Variants in ENTREP1 observed in about 807,000 individuals in gnomAD.
ENTREP1 encodes the protein Friedreich ataxia region gene X123.
the ENTREP1 span, chr9:69,325,680 C>A: frequency 8.1e-7 from 1 of 1,231,244 alleles, no homozygotes; most frequent in Non-Finnish European, 1.0e-6. Context: ...CTGAGCAGCT[C>A]CCCGCAGGTG....
the ENTREP1 span, among the ~76,000 whole-genome samples, chr9:69,346,321 T>C: frequency 2.6e-5 from 4 of 152,304 alleles, no homozygotes; most frequent in South Asian, 8.3e-4. Flanking sequence ...TTTAGCATTC[T>C]TGGTGGTTGT....
At chr9:69,328,883 C>G in the ENTREP1 span, among the ~76,000 whole-genome samples, 1 of 152,098 alleles carries the variant, frequency 6.6e-6, no homozygotes, top group Non-Finnish European at 1.5e-5. Context: ...TCCACCACCC[C>G]CACCCCTAGC....
the ENTREP1 span, among the ~76,000 whole-genome samples, chr9:69,368,848 A>G: frequency 1.3e-5 from 2 of 151,736 alleles, no homozygotes; most frequent in Non-Finnish European, 2.9e-5. Flanking sequence ...TTTTTTTTAA[A>G]TTATACTTTA....
At chr9:69,358,071 A>C in the ENTREP1 span, among the ~76,000 whole-genome samples, 1 of 152,136 alleles carries the variant, frequency 6.6e-6, no homozygotes, top group African/African-American at 2.4e-5. Context: ...TGGCAGTTAG[A>C]GTCTCAGCAA....
At chr9:69,377,440 G>A in the ENTREP1 span, 19 of 1,613,794 alleles carry the variant, frequency 1.2e-5, no homozygotes, top group Admixed American at 5.0e-5. Flanking sequence ...GCTGCCCTCC[G>A]CTACCTCCAG....
the ENTREP1 span, chr9:69,388,215 C>G: frequency 6.2e-7 from 1 of 1,614,160 alleles, no homozygotes; most frequent in Non-Finnish European, 8.5e-7. Context: ...CTGGATCTGG[C>G]TGCAGTGACT....
At chr9:69,380,707 A>AGCC in the ENTREP1 span, 2 of 152,340 alleles carry the variant, frequency 1.3e-5, no homozygotes, top group South Asian at 4.1e-4. Flanking sequence ...AGTTGGCTTG[A>AGCC]GCCAGGGATC....
the ENTREP1 span, among the ~76,000 whole-genome samples, chr9:69,332,212 A>C: frequency 1.3e-5 from 2 of 152,200 alleles, no homozygotes; most frequent in African/African-American, 2.4e-5. Context: ...TCAGGGCTTC[A>C]CTGGGCTTGA....
the ENTREP1 span, among the ~76,000 whole-genome samples, chr9:69,384,512 T>G: frequency 6.6e-6 from 1 of 152,246 alleles, no homozygotes; most frequent in African/African-American, 2.4e-5. Context: ...AAAAAAAGTT[T>G]CCTCTATTGC....
chr9:69,383,890 C>A, the ENTREP1 span: 2 of 1,567,116 alleles, frequency 1.3e-6, no homozygotes, highest in South Asian at 1.1e-5. Context: ...TTCACTGGGT[C>A]TAATGAGGGG....
chr9:69,390,701 G>A, the ENTREP1 span, among the ~76,000 whole-genome samples: 4 of 152,282 alleles, frequency 2.6e-5, no homozygotes, highest in African/African-American at 9.6e-5. Context: ...GTGCGGTGGT[G>A]TAGATATAGC....
chr9:69,327,211 T>C, the ENTREP1 span, among the ~76,000 whole-genome samples: 1 of 152,172 alleles, frequency 6.6e-6, no homozygotes, highest in Non-Finnish European at 1.5e-5. Context: ...AAAGCCATGA[T>C]TTGTGCCTCA....
chr9:69,353,716 A>G, the ENTREP1 span, among the ~76,000 whole-genome samples: 13 of 152,232 alleles, frequency 8.5e-5, no homozygotes, highest in African/African-American at 2.2e-4. Flanking sequence ...ATAATGTGCA[A>G]AAAAGTCCAG....
the ENTREP1 span, among the ~76,000 whole-genome samples, chr9:69,337,419 A>G: frequency 1.3e-5 from 2 of 152,168 alleles, no homozygotes; most frequent in African/African-American, 4.8e-5. Context: ...TAGATTTGCT[A>G]TATTATCTCT....
At chr9:69,345,260 GT>G in the ENTREP1 span, among the ~76,000 whole-genome samples, 1 of 152,130 alleles carries the variant, frequency 6.6e-6, no homozygotes, top group Non-Finnish European at 1.5e-5. Context: ...GAGTTTCCTG[GT>G]AAAGCTCTTT....
the ENTREP1 span, among the ~76,000 whole-genome samples, chr9:69,351,668 C>T: frequency 3.9e-5 from 6 of 152,252 alleles, no homozygotes; most frequent in South Asian, 4.1e-4. Flanking sequence ...CCATCCGCCT[C>T]GGCCGCCAAA....
the ENTREP1 span, among the ~76,000 whole-genome samples, chr9:69,351,629 C>T: frequency 1.3e-5 from 2 of 152,128 alleles, no homozygotes; most frequent in African/African-American, 4.8e-5. Context: ...GTTGGCCAGG[C>T]TGGTCTCAAA....
the ENTREP1 span, among the ~76,000 whole-genome samples, chr9:69,334,836 G>A: frequency 6.7e-6 from 1 of 149,632 alleles, no homozygotes; most frequent in African/African-American, 2.5e-5. Context: ...GAGTGCAGTG[G>A]CGCGATCTCA....
the ENTREP1 span, chr9:69,381,907 G>A: frequency 0.014 from 2,112 of 152,256 alleles, 21 homozygotes; most frequent in Middle Eastern, 0.027. Flanking sequence ...GTTGTTCTTC[G>A]GGAAGAAATT....
Sources: gnomAD v4.1 joint callset for allele counts (sites outside exome capture counted in the v4.1 genomes callset) on GRCh38, gnomAD v4.1.1 for gene constraint, MANE v1.5 for transcripts, NCBI Gene and HGNC (gene_info 2026-07-23, HGNC 2026-07-21) for gene names.